The following GALNT13 variants were observed in gnomAD, a reference collection of about 807,000 sequenced individuals.
GALNT13 encodes UDP-GalNAc:polypeptide N-acetylgalactosaminyltransferase 13.
Under a neutral mutation model 64.2 loss-of-function variants are expected in GALNT13, and 28 were observed. The observed-to-expected ratio is 0.44, with a 90% CI of 0.32 to 0.60. The LOEUF is 0.60. Ranked by LOEUF, GALNT13 falls within the 20% of genes least tolerant of loss-of-function variation. GALNT13 has a pLI of 0.05. For missense variants in GALNT13, 577 were observed against 669.8 expected (o/e 0.86, Z 1.53); for synonymous variants, 214 against 224.6 (o/e 0.95, Z 0.42).
the GALNT13 span, among the ~76,000 whole-genome samples, chr2:153,578,491 T>A: frequency 1.1e-4 from 16 of 152,138 alleles, no homozygotes; most frequent in Admixed American, 1.0e-3. Flanking sequence ...GTGTTGAAAA[T>A]TCACAAAAAG....
intron 3 of GALNT13, among the ~76,000 whole-genome samples, chr2:154,065,371 C>T (rs1700406985): frequency 6.6e-6 from 1 of 152,130 alleles, no homozygotes; most frequent in African/African-American, 2.4e-5. Context: ...TCCTTTGGAC[C>T]TTGAGCAAAC....
intron 3 of GALNT13, among the ~76,000 whole-genome samples, chr2:153,952,261 T>C (rs1210494866): frequency 6.6e-6 from 1 of 152,202 alleles, no homozygotes; most frequent in Non-Finnish European, 1.5e-5. Flanking sequence ...TAGGTTTGCA[T>C]GGGCGTTATG....
the GALNT13 span, among the ~76,000 whole-genome samples, chr2:153,819,167 T>C: frequency 0.42 from 64,409 of 151,926 alleles, 14,610 homozygotes; most frequent in Admixed American, 0.58. Flanking sequence ...GGCCCAAAGG[T>C]GGAGCCCCTC....
At chr2:154,110,296 T>G (rs1427488255) in intron 3 of GALNT13, among the ~76,000 whole-genome samples, 708 of 11,874 alleles carry the variant, frequency 0.06, 38 homozygotes, top group East Asian at 0.11. Context: ...TATATATATA[T>G]ATATATATAT....
chr2:154,378,701 T>C (rs1452855180), intron 9 of GALNT13, among the ~76,000 whole-genome samples: 1 of 152,038 alleles, frequency 6.6e-6, no homozygotes, highest in African/African-American at 2.4e-5. Flanking sequence ...GCTCTGCTTC[T>C]ATTAAATTTT....
intron 3 of GALNT13, among the ~76,000 whole-genome samples, chr2:154,133,532 TTTTATATATATATATATATATATA>T (rs1373643166): frequency 0.012 from 1,230 of 103,928 alleles, 25 homozygotes; most frequent in Non-Finnish European, 0.016. Context: ...TAACAGACCA[TTTTATATATATATATATATATATA>T]TATATATATA....
intron 4 of GALNT13, among the ~76,000 whole-genome samples, chr2:154,210,965 G>A (rs770258587): frequency 2.0e-5 from 3 of 152,152 alleles, no homozygotes; most frequent in Non-Finnish European, 4.4e-5. Context: ...TATTAGAGAT[G>A]TTGAAAATAC....
chr2:153,905,937 A>G (rs1688530620), intron 2 of GALNT13, among the ~76,000 whole-genome samples: 2 of 151,974 alleles, frequency 1.3e-5, no homozygotes, highest in Non-Finnish European at 2.9e-5. Flanking sequence ...TGGGTTGTGA[A>G]TGTAGCATGA....
the GALNT13 span, among the ~76,000 whole-genome samples, chr2:153,740,031 T>C: frequency 1.3e-5 from 2 of 152,024 alleles, no homozygotes; most frequent in East Asian, 3.8e-4. Flanking sequence ...AGTATTCAAA[T>C]TTTCTGTGTG....
intron 3 of GALNT13, among the ~76,000 whole-genome samples, chr2:153,955,884 C>A (rs912413750): frequency 7.9e-5 from 12 of 152,110 alleles, no homozygotes; most frequent in African/African-American, 2.7e-4. Flanking sequence ...GCTCTGGGGG[C>A]CCTACCAAGG....
At chr2:154,142,132 A>G (rs1683290200) in intron 4 of GALNT13, among the ~76,000 whole-genome samples, 1 of 152,206 alleles carries the variant, frequency 6.6e-6, no homozygotes, top group Non-Finnish European at 1.5e-5. Flanking sequence ...TCTACATGCA[A>G]TAGAACATAA....
chr2:153,642,172 T>C, the GALNT13 span, among the ~76,000 whole-genome samples: 1 of 151,970 alleles, frequency 6.6e-6, no homozygotes, highest in Non-Finnish European at 1.5e-5. Flanking sequence ...TTTTCTAATA[T>C]GTTCTTTACT....
intron 2 of GALNT13, among the ~76,000 whole-genome samples, chr2:153,911,024 GA>G (rs1308640700): frequency 3.9e-5 from 6 of 152,110 alleles, no homozygotes; most frequent in African/African-American, 1.2e-4. Context: ...GTGGAGTGTT[GA>G]AATCTCCCAC....
the GALNT13 span, among the ~76,000 whole-genome samples, chr2:153,805,517 G>C: frequency 6.6e-6 from 1 of 152,160 alleles, no homozygotes. Context: ...AAAATGACTA[G>C]AGAGACATTG....
chr2:154,388,256 A>G (rs1181894749), intron 9 of GALNT13, among the ~76,000 whole-genome samples: 1 of 152,128 alleles, frequency 6.6e-6, no homozygotes, highest in East Asian at 1.9e-4. Flanking sequence ...CCCATTTTTA[A>G]TCAGGTGTTC....
the GALNT13 span, among the ~76,000 whole-genome samples, chr2:153,836,615 G>A: frequency 6.1e-3 from 914 of 150,904 alleles, 7 homozygotes; most frequent in Admixed American, 0.013. Context: ...CCATTAACTC[G>A]TCATTTAACA....
chr2:154,241,382 C>T (rs1356239671), intron 4 of GALNT13, among the ~76,000 whole-genome samples: 1 of 152,202 alleles, frequency 6.6e-6, no homozygotes, highest in African/African-American at 2.4e-5. Flanking sequence ...ACCTTCCCAG[C>T]ACTTCCATAT....
intron 2 of GALNT13, among the ~76,000 whole-genome samples, chr2:153,944,023 T>C (rs192603102): frequency 2.6e-5 from 4 of 152,310 alleles, no homozygotes; most frequent in Admixed American, 2.6e-4. Flanking sequence ...CCAGGATGAT[T>C]TCTATTTCAG....
chr2:153,781,233 G>T, the GALNT13 span, among the ~76,000 whole-genome samples: 1 of 152,132 alleles, frequency 6.6e-6, no homozygotes, highest in Non-Finnish European at 1.5e-5. Context: ...GCCACTTTAA[G>T]ATGCAGCATA....
Sources: gnomAD v4.1 joint callset for allele counts (sites outside exome capture counted in the v4.1 genomes callset) on GRCh38, gnomAD v4.1.1 for gene constraint, MANE v1.5 for transcripts, NCBI Gene and HGNC (gene_info 2026-07-23, HGNC 2026-07-21) for gene names.